CCDC178: variants seen among roughly 807,000 people sequenced by gnomAD.
CCDC178 encodes the protein coiled-coil domain containing 178, also known as coiled-coil domain-containing protein 178.
CCDC178 carries 126 observed loss-of-function variants against 117.4 expected under a neutral mutation model. That is an observed-to-expected ratio of 1.07 (90% confidence interval 0.93 to 1.24). CCDC178 has a LOEUF of 1.24. Ranked by LOEUF, CCDC178 falls within the 50% of genes most tolerant of loss-of-function variation. The pLI, the probability that CCDC178 is intolerant of heterozygous loss-of-function variation, is 0.00. For synonymous variants in CCDC178, 283 were observed against 313.4 expected, an observed-to-expected ratio of 0.90 and a Z score of 1.02; for missense variants, 1,030 against 986.9, an observed-to-expected ratio of 1.04 and a Z score of -0.59.
intron 21 of CCDC178, among the ~76,000 whole-genome samples, chr18:32,986,467 A>T (rs975255235): frequency 1.3e-5 from 2 of 152,146 alleles, no homozygotes; most frequent in South Asian, 4.1e-4. Flanking sequence ...CTTCTAGTCA[A>T]CTGAATATAT....
At chr18:33,308,866 G>C (rs1028162691) in intron 11 of CCDC178, among the ~76,000 whole-genome samples, 10 of 152,106 alleles carry the variant, frequency 6.6e-5, no homozygotes, top group African/African-American at 2.4e-4. Flanking sequence ...CACCATAATT[G>C]TAAGTTTCCT....
At chr18:33,067,861 A>G (rs2057043844) in intron 21 of CCDC178, among the ~76,000 whole-genome samples, 1 of 151,984 alleles carries the variant, frequency 6.6e-6, no homozygotes, top group African/African-American at 2.4e-5. Context: ...AAAAAGAAAG[A>G]AAGAAAAAAA....
intron 20 of CCDC178, among the ~76,000 whole-genome samples, chr18:33,192,779 T>C (rs567445827): frequency 6.6e-6 from 1 of 151,342 alleles, no homozygotes; most frequent in East Asian, 2.0e-4. Flanking sequence ...CGGGTGCCTG[T>C]AATCCCAGCT....
At chr18:33,179,078 A>AAATATATATATATAT (rs71159804) in intron 20 of CCDC178, among the ~76,000 whole-genome samples, 2 of 55,824 alleles carry the variant, frequency 3.6e-5, no homozygotes, top group African/African-American at 2.3e-4. Flanking sequence ...AAAAAAAAAA[A>AAATATATATATATAT]ATATATATAT....
chr18:33,341,308 C>A (rs938899102), intron 9 of CCDC178, among the ~76,000 whole-genome samples: 1 of 152,194 alleles, frequency 6.6e-6, no homozygotes, highest in East Asian at 1.9e-4. Flanking sequence ...TAGGAAGTAA[C>A]TAGCTTGCTT....
chr18:32,956,143 G>A (rs1171087021), intron 22 of CCDC178, among the ~76,000 whole-genome samples: 1 of 152,018 alleles, frequency 6.6e-6, no homozygotes, highest in African/African-American at 2.4e-5. Context: ...AAAACAATCA[G>A]AATGTTTCTA....
chr18:33,035,414 C>A (rs933571309), intron 21 of CCDC178, among the ~76,000 whole-genome samples: 32 of 151,902 alleles, frequency 2.1e-4, no homozygotes, highest in African/African-American at 7.5e-4. Flanking sequence ...TCCACACACA[C>A]AATGGAATAT....
rs542614601 is a variant in CCDC178, at chr18:33,229,523, GA to G, written c.1594-2669del. 8.5e-5 allele frequency among the ~76,000 whole-genome samples: 13 copies of G among 152,240 alleles called. No individual in the cohort carries two copies. In the South Asian group the frequency reaches 2.5e-3, roughly 29 times the overall value. On this transcript the variant is annotated intron_variant, in intron 15 of 22. Transcript: ENST00000383096. ...ACAATGAAATCTATAAAATAGTTAT[GA>G]TTGTCCCTTTTGCACATAGGAAAAC... is the stretch of plus-strand genomic sequence containing the variant.
At chr18:33,293,067 G>T in intron 12 of CCDC178, 92 bp downstream of exon 12, 1 of 809,550 alleles carries the variant, frequency 1.2e-6, no homozygotes, top group Non-Finnish European at 1.9e-6. Flanking sequence ...AAAAAAATTG[G>T]CCAATTGCTA....
intron 20 of CCDC178, among the ~76,000 whole-genome samples, chr18:33,176,883 T>G (rs2058670250): frequency 6.6e-6 from 1 of 152,180 alleles, no homozygotes. Flanking sequence ...TAAGTGAATC[T>G]GTTTCCTCAA....
chr18:33,009,967 C>T (rs2055829877), intron 21 of CCDC178, among the ~76,000 whole-genome samples: 1 of 152,124 alleles, frequency 6.6e-6, no homozygotes, highest in South Asian at 2.1e-4. Flanking sequence ...AACTCTCCCA[C>T]AAAACAATTA....
chr18:33,126,868 C>T (rs2058011075), intron 20 of CCDC178, among the ~76,000 whole-genome samples: 1 of 151,562 alleles, frequency 6.6e-6, no homozygotes, highest in South Asian at 2.1e-4. Context: ...ATTTGGCCAG[C>T]TTAGCCTCCA....
intron 7 of CCDC178, among the ~76,000 whole-genome samples, chr18:33,350,354 A>G (rs2062958822): frequency 6.6e-6 from 1 of 152,102 alleles, no homozygotes; most frequent in Non-Finnish European, 1.5e-5. Flanking sequence ...TACATTCACA[A>G]CATCGTACAA....
chr18:33,383,684 A>C lies in CCDC178; in HGVS notation c.208+5856T>G, dbSNP rs1021871358. On this transcript the variant is annotated intron_variant, in intron 5 of 22. Transcript: ENST00000383096. Reference sequence around the variant, plus strand: ...AAAAACAACAACATCAACAAAAAAGACCCCACAAAATCCCCACCAAAGGTT... The same window carrying C: ...AAAAACAACAACATCAACAAAAAAGCCCCCACAAAATCCCCACCAAAGGTT... 3.9e-5 allele frequency among the ~76,000 whole-genome samples: 6 copies of C among 152,064 alleles called. No individual in the cohort carries two copies. The East Asian group carries it at 1.2e-3, about 30-fold the overall frequency.
chr18:33,075,751 T>G (rs1403188412), intron 21 of CCDC178, among the ~76,000 whole-genome samples: 1 of 151,940 alleles, frequency 6.6e-6, no homozygotes. Context: ...GGTGGATCAC[T>G]TGAGGTCAGG....
chr18:33,088,921 C>T (rs1160178103), intron 21 of CCDC178, among the ~76,000 whole-genome samples: 1 of 152,122 alleles, frequency 6.6e-6, no homozygotes, highest in Non-Finnish European at 1.5e-5. Context: ...AATCACTAAG[C>T]CACTCTGGCC....
intron 6 of CCDC178, among the ~76,000 whole-genome samples, chr18:33,368,842 ATAAT>A (rs2063256890): frequency 6.6e-6 from 1 of 152,134 alleles, no homozygotes; most frequent in South Asian, 2.1e-4. Flanking sequence ...GGTAGCTGTT[ATAAT>A]TATTTATTAA....
intron 21 of CCDC178, among the ~76,000 whole-genome samples, chr18:33,035,592 G>A (rs2056427667): frequency 6.6e-6 from 1 of 152,012 alleles, no homozygotes; most frequent in African/African-American, 2.4e-5. Context: ...CCAGAGAGTA[G>A]AAATGTGTTT....
rs1415457229 is a variant in CCDC178, at chr18:33,179,074, AAAAAAT to A, written c.2238+32816_2238+32821del. 7.5e-5 allele frequency among the ~76,000 whole-genome samples: 7 copies of A among 93,314 alleles called. 1 individual carries two copies. Among genetic ancestry groups the A allele is most frequent in the African/African-American group, 3.6e-4 (6 of 16,504 alleles). The allele number at this position is 93,314 out of a possible 152,430, so 61.2% of individuals were successfully genotyped here. ...AAGCACTCAGTAAAAAAAAAAAAAA[AAAAAAT>A]ATATATATATATATATATATATATA... is the stretch of plus-strand genomic sequence containing the variant. On this transcript the variant is annotated intron_variant, in intron 20 of 22. Transcript: ENST00000383096.
Sources: allele counts gnomAD v4.1 joint callset (sites outside exome capture counted in the v4.1 genomes callset), GRCh38; gene constraint gnomAD v4.1.1; transcripts MANE v1.5; gene names NCBI Gene and HGNC (gene_info 2026-07-23, HGNC 2026-07-21).